TANC2: variants seen among roughly 807,000 people sequenced by gnomAD.
The protein encoded by TANC2 is tetratricopeptide repeat, ankyrin repeat and coiled-coil containing 2.
Under a neutral mutation model 210.5 loss-of-function variants are expected in TANC2, and 26 were observed. The observed-to-expected ratio is 0.12, with a 90% CI of 0.09 to 0.17. TANC2 has a LOEUF of 0.17. Ranked by LOEUF, TANC2 falls within the 10% of genes least tolerant of loss-of-function variation. The pLI, the probability that TANC2 is intolerant of heterozygous loss-of-function variation, is 1.00. For synonymous variants in TANC2, 931 were observed against 967.1 expected, an observed-to-expected ratio of 0.96 and a Z score of 0.69; for missense variants, 2,129 against 2,608.9, an observed-to-expected ratio of 0.82 and a Z score of 4.01.
At chr17:63,191,458 A>T (rs2041180970) in intron 5 of TANC2, among the ~76,000 whole-genome samples, 2 of 151,488 alleles carry the variant, frequency 1.3e-5, no homozygotes, top group Non-Finnish European at 2.9e-5. Flanking sequence ...CCCACCTTTT[A>T]AAAAAATATA....
At chr17:63,109,826 G>A (rs1224734849) in intron 4 of TANC2, among the ~76,000 whole-genome samples, 1 of 151,610 alleles carries the variant, frequency 6.6e-6, no homozygotes, top group East Asian at 1.9e-4. Context: ...TACATGGATG[G>A]AAATGTCCTC....
Position 63,421,008 on chromosome 17 carries a change from C to T in TANC2, c.5278C>T (p.His1760Tyr). The change falls in exon 28 of 28, where the codon CAT becomes TAT. Residue 1760 changes from histidine (H) to tyrosine (Y), a missense_variant. By Grantham distance (83) the His-to-Tyr change is moderately conservative. Transcript: ENST00000689528. The surrounding 1 kb of genome is among the most constrained non-coding windows in gnomAD (Gnocchi z 6.9). ...CGTAGGGGATGGAAGGCCGGTGCAG[C>T]ATGTCCAAGCCAGCCTGAGTGCAGG... is the stretch of plus-strand genomic sequence containing the variant. 2 of 1,614,008 alleles carry T rather than the reference C, an allele frequency of 1.2e-6. No individual in the cohort carries two copies. The highest frequency in any genetic ancestry group is 2.2e-5 in the South Asian group (2 of 91,092).
Position 63,023,059 on chromosome 17 carries a change from C to T in TANC2, c.67+13433C>T, listed in dbSNP as rs1288047883. On this transcript the variant is annotated intron_variant, in intron 2 of 27. Transcript: ENST00000689528. Reference sequence around the variant, plus strand: ...GAATGTTGTAGAAAGCCCACAGGCCCAGGCAAAAACTTGCCATGGGGTGGA... The same window carrying T: ...GAATGTTGTAGAAAGCCCACAGGCCTAGGCAAAAACTTGCCATGGGGTGGA... Among the ~76,000 whole-genome samples the T allele has an allele frequency of 4.6e-5, 7 of 152,208 alleles. No individual in the cohort carries two copies. In the East Asian group the frequency reaches 1.3e-3, roughly 29 times the overall value.
At chr17:63,114,207 T>G (rs1474283555) in intron 4 of TANC2, among the ~76,000 whole-genome samples, 1 of 152,128 alleles carries the variant, frequency 6.6e-6, no homozygotes, top group Non-Finnish European at 1.5e-5. Context: ...TGGGATAATT[T>G]TATTCAGGGT....
In TANC2 at chr17:63,412,603, C is replaced by T; in HGVS notation, c.3899-77C>T. 1.5e-6 allele frequency: 2 copies of T among 1,357,656 alleles called. No homozygotes were observed. Among genetic ancestry groups the T allele is most frequent in the Admixed American group, 2.0e-5 (1 of 49,166 alleles). 84.1% of individuals were successfully genotyped at this position (1,357,656 alleles called of 1,614,324 possible). A position where few individuals can be genotyped will look rare whatever the true frequency, so the allele number is the denominator to read the frequency against. ...TGCCTGCCTCTCACTGCTGCTTTTTCCTTCTTTTTTTTTTTTTCACCTTCA... is the reference window on the plus strand; with the variant it reads ...TGCCTGCCTCTCACTGCTGCTTTTTTCTTCTTTTTTTTTTTTTCACCTTCA... On this transcript the variant is annotated intron_variant, in intron 23 of 27. Coordinates refer to ENST00000689528, the Ensembl canonical transcript of TANC2. This position sits in a 1 kb window ranked among gnomAD's most constrained non-coding sequence, Gnocchi z 4.2.
At chr17:63,322,477 G>A (rs1245074316) in intron 11 of TANC2, among the ~76,000 whole-genome samples, 3 of 152,048 alleles carry the variant, frequency 2.0e-5, no homozygotes, top group Non-Finnish European at 2.9e-5. Context: ...CAGCCTGGGC[G>A]ACAGAGCAAG....
At chr17:63,131,685 T>A (rs975068907) in intron 4 of TANC2, among the ~76,000 whole-genome samples, 2 of 152,216 alleles carry the variant, frequency 1.3e-5, no homozygotes, top group Non-Finnish European at 2.9e-5. Flanking sequence ...ATATTATCAT[T>A]TAAAGGACTT....
chr17:63,271,236 A>G (rs1241694688), intron 9 of TANC2, among the ~76,000 whole-genome samples: 1 of 152,104 alleles, frequency 6.6e-6, no homozygotes, highest in Non-Finnish European at 1.5e-5. Context: ...GAATTGCCAC[A>G]CTGTTTTCCA....
chr17:63,043,181 A>G, intron 2 of TANC2, among the ~76,000 whole-genome samples: 1 of 152,104 alleles, frequency 6.6e-6, no homozygotes, highest in Non-Finnish European at 1.5e-5. Flanking sequence ...CAGCACATAC[A>G]TTCACGTATC....
At chr17:63,295,900 C>T (rs2044521187) in intron 9 of TANC2, among the ~76,000 whole-genome samples, 1 of 152,160 alleles carries the variant, frequency 6.6e-6, no homozygotes, top group Non-Finnish European at 1.5e-5. Flanking sequence ...GAGCCCACAA[C>T]TGAGGCAGTC....
intron 3 of TANC2, among the ~76,000 whole-genome samples, chr17:63,074,676 A>G (rs1261487489): frequency 1.3e-5 from 2 of 152,150 alleles, no homozygotes; most frequent in African/African-American, 2.4e-5. Context: ...GTTGCGTGAT[A>G]GCAGTGATTT....
At chr17:63,313,486 G>C (rs144392211) in intron 9 of TANC2, 1 of 152,076 alleles carries the variant, frequency 6.6e-6, no homozygotes, top group Non-Finnish European at 1.5e-5. Flanking sequence ...ACTGTTGACA[G>C]TATAGTTTAT....
intron 15 of TANC2, among the ~76,000 whole-genome samples, 162 bp downstream of exon 15, chr17:63,379,988 G>A (rs1480395464): frequency 4.6e-5 from 7 of 152,130 alleles, no homozygotes; most frequent in Non-Finnish European, 1.5e-5. Flanking sequence ...TAGGCCTTTA[G>A]AACTACATTG....
intron 8 of TANC2, among the ~76,000 whole-genome samples, chr17:63,251,165 G>A (rs933176909): frequency 1.3e-5 from 2 of 152,132 alleles, no homozygotes; most frequent in Admixed American, 6.6e-5. Context: ...AAGGAAGGCA[G>A]ACATGTAAAC....
At chr17:63,340,861 T>C (rs569086706) in intron 12 of TANC2, among the ~76,000 whole-genome samples, 1 of 152,334 alleles carries the variant, frequency 6.6e-6, no homozygotes, top group East Asian at 1.9e-4. Flanking sequence ...AATTGTATTA[T>C]AGGAGAGCTG....
intron 8 of TANC2, among the ~76,000 whole-genome samples, chr17:63,239,485 T>C (rs1333993559): frequency 6.6e-6 from 1 of 152,196 alleles, no homozygotes; most frequent in Non-Finnish European, 1.5e-5. Flanking sequence ...CCCAGTTCCC[T>C]TTCCTACGTG....
intron 9 of TANC2, among the ~76,000 whole-genome samples, chr17:63,307,772 T>TGTTG (rs5821385): frequency 0.32 from 48,803 of 151,050 alleles, 8,324 homozygotes; most frequent in African/African-American, 0.45. Context: ...TTGTTGTTGT[T>TGTTG]TTGTTGTTTT....
At chr17:63,338,571 C>G (rs1229978338) in intron 11 of TANC2, among the ~76,000 whole-genome samples, 1 of 152,202 alleles carries the variant, frequency 6.6e-6, no homozygotes, top group East Asian at 1.9e-4. Context: ...CACTGGCATT[C>G]ACTGTTCATT....
intron 9 of TANC2, among the ~76,000 whole-genome samples, chr17:63,311,475 A>G (rs2146565271): frequency 6.6e-6 from 1 of 152,302 alleles, no homozygotes; most frequent in South Asian, 2.1e-4. Context: ...CTCTCTAGCT[A>G]ATGGAAACAC....
Sources: gnomAD v4.1 joint callset for allele counts (sites outside exome capture counted in the v4.1 genomes callset) on GRCh38, gnomAD v4.1.1 for gene constraint, Gnocchi (gnomAD v3.1) non-coding constraint, MANE v1.5 for transcripts, NCBI Gene and HGNC (gene_info 2026-07-23, HGNC 2026-07-21) for gene names.